AGTPBP1: variants seen among roughly 807,000 people sequenced by gnomAD.
AGTPBP1 encodes ATP/GTP binding carboxypeptidase 1, also known as cytosolic carboxypeptidase 1.
A neutral mutation model predicts 143.9 loss-of-function variants in AGTPBP1; 70 were observed. The ratio of observed to expected loss-of-function variants is 0.49; its 90% CI spans 0.40 to 0.59. The LOEUF (loss-of-function observed/expected upper bound fraction) is 0.59. Among genes scored for constraint, AGTPBP1 ranks in the 20% least tolerant of loss-of-function variants. AGTPBP1 has a pLI of 0.00. For synonymous variants in AGTPBP1, 463 were observed against 500.2 expected, an observed-to-expected ratio of 0.93 and a Z score of 0.99; for missense variants, 1,229 against 1,464.5, an observed-to-expected ratio of 0.84 and a Z score of 2.62.
intron 7 of AGTPBP1, among the ~76,000 whole-genome samples, chr9:85,671,656 T>C (rs761336219): frequency 6.6e-6 from 1 of 152,158 alleles, no homozygotes; most frequent in Non-Finnish European, 1.5e-5. Context: ...GGTTCTTTCA[T>C]TAACCACTTC....
chr9:85,628,611 A>C (rs547777482), intron 14 of AGTPBP1, among the ~76,000 whole-genome samples: 1 of 152,198 alleles, frequency 6.6e-6, no homozygotes, highest in Non-Finnish European at 1.5e-5. Context: ...GACGTGGATC[A>C]CTCGATTCTC....
At chr9:85,728,627 G>A (rs1389054633) in intron 1 of AGTPBP1, among the ~76,000 whole-genome samples, 1 of 151,908 alleles carries the variant, frequency 6.6e-6, no homozygotes, top group South Asian at 2.1e-4. Context: ...ACAAAAACAG[G>A]TTTCATGTGA....
At chr9:85,592,378 C>T (rs1372056257) in intron 19 of AGTPBP1, among the ~76,000 whole-genome samples, 182 bp downstream of exon 19, 1 of 151,998 alleles carries the variant, frequency 6.6e-6, no homozygotes, top group Non-Finnish European at 1.5e-5. Flanking sequence ...TTTAACTAAA[C>T]TTAATTTTCC....
chr9:85,556,905 T>C (rs10120410), intron 25 of AGTPBP1, among the ~76,000 whole-genome samples: 99,627 of 151,924 alleles, frequency 0.66, 34,055 homozygotes, highest in African/African-American at 0.86. Flanking sequence ...AACAAACAGA[T>C]CCAAAAACCA....
chr9:85,678,229 A>T (rs982670265), intron 5 of AGTPBP1, 106 bp downstream of exon 5: 1 of 660,500 alleles, frequency 1.5e-6, no homozygotes, highest in African/African-American at 1.9e-5. Context: ...TCCAATACTC[A>T]GAATAGCCTC....
chr9:85,774,349 C>T, the AGTPBP1 span, among the ~76,000 whole-genome samples: 2 of 152,074 alleles, frequency 1.3e-5, no homozygotes, highest in Non-Finnish European at 2.9e-5. Context: ...TTTTGGTATA[C>T]AGTTGAATTT....
chr9:85,723,261 TC>T (rs1189449009), intron 1 of AGTPBP1, among the ~76,000 whole-genome samples: 2 of 152,230 alleles, frequency 1.3e-5, no homozygotes, highest in African/African-American at 4.8e-5. Context: ...TGCCTTTTCT[TC>T]TGGTAGGCAC....
chr9:85,681,370 A>G (rs1462940338), intron 3 of AGTPBP1, 35 bp from the exon 4 acceptor site: 1 of 1,583,670 alleles, frequency 6.3e-7, no homozygotes, highest in Admixed American at 1.7e-5. Context: ...TCTCAAACAT[A>G]AATTTTTAAA....
intron 17 of AGTPBP1, among the ~76,000 whole-genome samples, chr9:85,599,327 T>A (rs1338381305): frequency 6.6e-6 from 1 of 152,198 alleles, no homozygotes; most frequent in Non-Finnish European, 1.5e-5. Context: ...TACATTTCAT[T>A]GTATTCTCTC....
At chr9:85,610,119 T>C (rs1326713936) in intron 17 of AGTPBP1, among the ~76,000 whole-genome samples, 3 of 152,186 alleles carry the variant, frequency 2.0e-5, no homozygotes, top group Non-Finnish European at 4.4e-5. Flanking sequence ...GACTCCAAAA[T>C]TGTACTTTAT....
At chr9:85,578,581 AAAC>A (rs1199476366) in intron 24 of AGTPBP1, among the ~76,000 whole-genome samples, 46 of 152,324 alleles carry the variant, frequency 3.0e-4, no homozygotes, top group African/African-American at 1.1e-3. Context: ...CAATAAATTA[AAAC>A]AATAGAAAAT....
chr9:85,697,445 GTTTT>G (rs758082233), intron 2 of AGTPBP1, among the ~76,000 whole-genome samples: 9 of 65,070 alleles, frequency 1.4e-4, no homozygotes, highest in African/African-American at 3.3e-4. Context: ...TTTGTTTTTT[GTTTT>G]TTTTTTTTTT....
rs113473588 is a variant in AGTPBP1 at position 85,589,514 on chromosome 9, G to A, written c.2722+14C>T. On this transcript the variant is annotated intron_variant, in intron 20 of 25. Coordinates refer to ENST00000357081, the MANE Select transcript of AGTPBP1 (RefSeq NM_001330701.2). Reference sequence around the variant, plus strand: ...GAGAATGACTGCTATTGTGAGTTGGGAAGACAAACTTACTGAAATGGCAGA... The same window carrying A: ...GAGAATGACTGCTATTGTGAGTTGGAAAGACAAACTTACTGAAATGGCAGA... 13 of 1,595,426 alleles carry A rather than the reference G, an allele frequency of 8.1e-6. No individual in the cohort carries two copies. In the African/African-American group the frequency reaches 9.4e-5, roughly 12 times the overall value.
chr9:85,735,036 A>G (rs532023150), intron 1 of AGTPBP1, among the ~76,000 whole-genome samples: 33 of 152,290 alleles, frequency 2.2e-4, no homozygotes, highest in African/African-American at 7.5e-4. Context: ...CTCCATCTAA[A>G]AAAATTTTAA....
intron 25 of AGTPBP1, among the ~76,000 whole-genome samples, chr9:85,553,381 A>G (rs1417978250): frequency 6.6e-6 from 1 of 152,238 alleles, no homozygotes; most frequent in African/African-American, 2.4e-5. Flanking sequence ...ATTACTTGAG[A>G]TATCCAACAG....
the AGTPBP1 span, among the ~76,000 whole-genome samples, chr9:85,748,603 G>A: frequency 6.6e-6 from 1 of 152,180 alleles, no homozygotes. Context: ...TCTCCAATGT[G>A]CCTTACATGA....
chr9:85,578,016 GAAAC>G (rs1220340000), intron 24 of AGTPBP1, among the ~76,000 whole-genome samples: 2 of 151,988 alleles, frequency 1.3e-5, no homozygotes, highest in African/African-American at 4.8e-5. Flanking sequence ...CATAACAAAA[GAAAC>G]AAACAAAATG....
At chr9:85,758,724 G>A in the AGTPBP1 span, among the ~76,000 whole-genome samples, 26 of 152,198 alleles carry the variant, frequency 1.7e-4, no homozygotes, top group East Asian at 7.7e-4. Flanking sequence ...AAGTAGGAGC[G>A]AAACATTTTT....
rs576704165 is a variant in AGTPBP1 at position 85,685,081 on chromosome 9, C to A, written c.158-3746G>T. ...ATAGAACAATAGAAATTATCCAACC[C>A]AAATAACAGAGAATTAAACTTAAAA... On this transcript the variant is annotated intron_variant, in intron 3 of 25. Transcript: ENST00000357081. 2.1e-3 allele frequency among the ~76,000 whole-genome samples: 316 copies of A among 151,116 alleles called. 3 individuals carry two copies. The highest frequency in any genetic ancestry group is 7.1e-3 in the African/African-American group (293 of 41,266).
Sources: allele counts gnomAD v4.1 joint callset (sites outside exome capture counted in the v4.1 genomes callset), GRCh38; gene constraint gnomAD v4.1.1; transcripts MANE v1.5; gene names NCBI Gene and HGNC (gene_info 2026-07-23, HGNC 2026-07-21).